Variants in FAT3 observed in about 807,000 individuals in gnomAD.
FAT3 encodes FAT atypical cadherin 3, also known as protocadherin Fat 3.
In FAT3, 95 loss-of-function variants were observed where a neutral mutation model predicts 310.2. The ratio of observed to expected loss-of-function variants is 0.31; its 90% confidence interval spans 0.26 to 0.36. The LOEUF (loss-of-function observed/expected upper bound fraction) is 0.36. FAT3 is among the 10% of genes least tolerant of loss of function. The probability of loss-of-function intolerance (pLI) is 1.00; values close to 1 mark genes in which losing one functional copy is unlikely to be tolerated. For missense variants in FAT3, 5,408 were observed against 5,715.6 expected (o/e 0.95, Z 1.74); for synonymous variants, 2,314 against 2,192.9 (o/e 1.06, Z -1.54).
intron 4 of FAT3, among the ~76,000 whole-genome samples, chr11:92,752,924 G>T (rs760306350): frequency 2.6e-5 from 4 of 152,104 alleles, no homozygotes; most frequent in African/African-American, 7.2e-5. Flanking sequence ...AATAAATAAG[G>T]ACTCATTATA....
intron 6 of FAT3, among the ~76,000 whole-genome samples, chr11:92,768,934 A>T (rs552068631): frequency 6.6e-6 from 1 of 152,338 alleles, no homozygotes; most frequent in East Asian, 1.9e-4. Context: ...ACAGCTTACT[A>T]ATGCTATAAC....
chr11:92,836,334 G>A (rs899106721), intron 15 of FAT3, among the ~76,000 whole-genome samples: 1 of 152,078 alleles, frequency 6.6e-6, no homozygotes, highest in Admixed American at 6.6e-5. Context: ...ATCAGGCTGT[G>A]GGCAGGTAAA....
rs2136061542 is a variant in FAT3 at position 92,753,852 on chromosome 11, A to C, written c.3670-8004A>C. On this transcript the variant is annotated intron_variant, in intron 4 of 27. Coordinates refer to ENST00000525166, the MANE Select transcript of FAT3 (RefSeq NM_001367949.2). Reference sequence around the variant, plus strand: ...CCATGAAAATGAATGCATTTGCAGCAACCTGGATGAGATTGAAGACTATTA... The same window carrying C: ...CCATGAAAATGAATGCATTTGCAGCCACCTGGATGAGATTGAAGACTATTA... Among the ~76,000 whole-genome samples the C allele has an allele frequency of 2.0e-5, 3 of 149,294 alleles. No homozygotes were observed. In the South Asian group the frequency reaches 6.4e-4, roughly 32 times the overall value.
At chr11:92,713,071 A>C (rs1944574526) in intron 4 of FAT3, among the ~76,000 whole-genome samples, 1 of 152,344 alleles carries the variant, frequency 6.6e-6, no homozygotes, top group South Asian at 2.1e-4. Flanking sequence ...AAAGTCTGAC[A>C]TAAGAGATTA....
At chr11:92,494,038 T>C (rs1952682721) in intron 2 of FAT3, among the ~76,000 whole-genome samples, 1 of 151,996 alleles carries the variant, frequency 6.6e-6, no homozygotes, top group Non-Finnish European at 1.5e-5. Flanking sequence ...TCTATTTTTT[T>C]TTTTTTTTTG....
intron 1 of FAT3, among the ~76,000 whole-genome samples, chr11:92,319,277 T>A (rs187257901): frequency 6.6e-6 from 1 of 152,152 alleles, no homozygotes; most frequent in Admixed American, 6.5e-5. Context: ...CGGGATATAA[T>A]TGGTTGATAC....
chr11:92,292,742 G>A (rs1946723032), intron 1 of FAT3, among the ~76,000 whole-genome samples: 1 of 152,050 alleles, frequency 6.6e-6, no homozygotes, highest in Non-Finnish European at 1.5e-5. Context: ...TCTGGCAGTG[G>A]GCTAGAAGCA....
chr11:92,771,658 C>G (rs1264877026), intron 6 of FAT3, among the ~76,000 whole-genome samples: 1 of 151,966 alleles, frequency 6.6e-6, no homozygotes, highest in African/African-American at 2.4e-5. Flanking sequence ...TCTGTCTCCC[C>G]TGTCCCTTTA....
At chr11:92,573,338 C>T (rs896075010) in intron 3 of FAT3, among the ~76,000 whole-genome samples, 2 of 152,100 alleles carry the variant, frequency 1.3e-5, no homozygotes, top group African/African-American at 2.4e-5. Flanking sequence ...GAAGAGATCA[C>T]CCCACATCCC....
At chr11:92,882,591 C>CA (rs1555169699) in intron 23 of FAT3, 147 bp from the exon 24 acceptor site, 2 of 551,010 alleles carry the variant, frequency 3.6e-6, no homozygotes, top group Admixed American at 3.4e-5. Flanking sequence ...CCCCTCCCCC[C>CA]CCCCACCAAC....
chr11:92,302,268 G>A (rs1363293484), intron 1 of FAT3, among the ~76,000 whole-genome samples: 1 of 151,816 alleles, frequency 6.6e-6, no homozygotes, highest in African/African-American at 2.4e-5. Context: ...ACCTCCCGGT[G>A]GTTTTACATT....
intron 4 of FAT3, among the ~76,000 whole-genome samples, chr11:92,742,702 A>G (rs1303303076): frequency 6.6e-6 from 1 of 152,160 alleles, no homozygotes; most frequent in Non-Finnish European, 1.5e-5. Context: ...CAGCAAGAAG[A>G]TCCTGGCCAC....
intron 2 of FAT3, among the ~76,000 whole-genome samples, chr11:92,467,902 C>T (rs1273372513): frequency 6.6e-6 from 1 of 152,148 alleles, no homozygotes; most frequent in Non-Finnish European, 1.5e-5. Context: ...TATATCAAAA[C>T]CACTGGGGTC....
intron 2 of FAT3, among the ~76,000 whole-genome samples, chr11:92,397,523 T>C (rs1321332723): frequency 1.3e-5 from 2 of 152,174 alleles, no homozygotes; most frequent in Non-Finnish European, 2.9e-5. Flanking sequence ...TCACTTTTAC[T>C]TATGCAAAGT....
rs145374146 is a variant in FAT3 at position 92,515,172 on chromosome 11, A to G, written c.3293-9462A>G. On this transcript the variant is annotated intron_variant, in intron 2 of 27. Coordinates refer to ENST00000525166, the MANE Select transcript of FAT3 (RefSeq NM_001367949.2). ...TCAGGCAGCCAGAAACTCTGCCATT[A>G]TAGAACCCACTATGAACAGATAGAT... Among the ~76,000 whole-genome samples, 253 of 152,264 alleles carry G rather than the reference A, an allele frequency of 1.7e-3. 1 individual carries two copies. Among genetic ancestry groups the G allele is most frequent in the African/African-American group, 5.8e-3 (243 of 41,564 alleles).
chr11:92,604,751 G>A (rs147742960), intron 3 of FAT3, among the ~76,000 whole-genome samples: 4 of 152,314 alleles, frequency 2.6e-5, no homozygotes, highest in Non-Finnish European at 4.4e-5. Flanking sequence ...GCTCCTCTGA[G>A]CCCCTTCCTG....
At chr11:92,486,943 G>T (rs1952428209) in intron 2 of FAT3, among the ~76,000 whole-genome samples, 1 of 152,094 alleles carries the variant, frequency 6.6e-6, no homozygotes, top group Admixed American at 6.6e-5. Flanking sequence ...CAAATATTGG[G>T]GAGCCTAACC....
chr11:92,867,976 C>G (rs1213862979), intron 22 of FAT3, among the ~76,000 whole-genome samples: 1 of 151,878 alleles, frequency 6.6e-6, no homozygotes, highest in Non-Finnish European at 1.5e-5. Context: ...TTATTTAAGT[C>G]CTAGGAGTCT....
At chr11:92,624,816 T>C (rs1941248947) in intron 3 of FAT3, among the ~76,000 whole-genome samples, 1 of 152,166 alleles carries the variant, frequency 6.6e-6, no homozygotes, top group Non-Finnish European at 1.5e-5. Context: ...GCCAGAATTC[T>C]GAAATCAATG....
Sources: gnomAD v4.1 joint callset for allele counts (sites outside exome capture counted in the v4.1 genomes callset) on GRCh38, gnomAD v4.1.1 for gene constraint, MANE v1.5 for transcripts, NCBI Gene and HGNC (gene_info 2026-07-23, HGNC 2026-07-21) for gene names.